Variants in CDC42BPG observed in about 807,000 individuals in gnomAD.
CDC42BPG encodes serine/threonine-protein kinase MRCK gamma.
CDC42BPG carries 157 observed loss-of-function variants against 192.2 expected under a neutral mutation model. That is an observed-to-expected ratio of 0.82 (90% CI 0.72 to 0.93). The LOEUF (loss-of-function observed/expected upper bound fraction) is 0.93, where lower values mean the gene tolerates loss of function less well. Ranked by LOEUF, CDC42BPG falls within the 40% of genes least tolerant of loss-of-function variation. The pLI, the probability that CDC42BPG is intolerant of heterozygous loss-of-function variation, is 0.00. For missense variants in CDC42BPG, 1,992 were observed against 2,122.1 expected (o/e 0.94, Z 1.20); for synonymous variants, 981 against 918.5 (o/e 1.07, Z -1.23).
At chr11:64,826,183 C>T (rs1034722812) in intron 36 of CDC42BPG, among the ~76,000 whole-genome samples, 2 of 152,050 alleles carry the variant, frequency 1.3e-5, no homozygotes, top group South Asian at 4.1e-4. Flanking sequence ...CTCCCAGAAA[C>T]CACATCATTT....
chr11:64,827,580 A>G lies in CDC42BPG; in HGVS notation c.4097T>C (p.Phe1366Ser), dbSNP rs758551161. Residue 1366 changes from phenylalanine to serine, a missense_variant, in exon 32 of 37, where the codon TTC (phenylalanine) becomes TCC (serine). Coordinates refer to ENST00000342711, the MANE Select transcript of CDC42BPG (RefSeq NM_017525.3). ...VRPLNPEGSL[F>S]LYGTEKVRLT... The stretch of plus-strand genomic sequence containing the variant: ...GCGGACCTTCTCGGTGCCGTAGAGG[A>G]ACAGGGAGCCCTCTGGATTGAGGGG... The G allele has an allele frequency of 6.2e-7, 1 of 1,612,338 alleles. No individual in the cohort carries two copies. The highest frequency in any genetic ancestry group is 1.1e-5 in the South Asian group (1 of 90,916).
At chr11:64,841,026 C>G (rs1943258392) in intron 3 of CDC42BPG, among the ~76,000 whole-genome samples, 1 of 152,100 alleles carries the variant, frequency 6.6e-6, no homozygotes, top group Non-Finnish European at 1.5e-5. Context: ...TGGCACACGC[C>G]TGTAATCCCA....
At position 64,837,003 on chromosome 11, in the gene CDC42BPG, T is replaced by A. The variant is rs1943050177; in HGVS notation, c.1222A>T (p.Ser408Cys). ...TCCAGGGCAGCCCAAGCCTCAGAGC[T>A]GCTCTCAGGACTGTGACTGTAGGGG... is the stretch of plus-strand genomic sequence containing the variant. ...YTSGSHSPES[S>C]SEAWAALERK... Residue 408 changes from serine to cysteine, a missense_variant, in exon 10 of 37, where the codon AGC becomes TGC. Ser to Cys is a moderately radical substitution (Grantham distance 112, BLOSUM62 -1). This residue lies in a region of CDC42BPG where 1,656 missense variants were observed against 1,844.3 expected (regional missense o/e 0.90). Coordinates refer to ENST00000342711, the MANE Select transcript of CDC42BPG (RefSeq NM_017525.3). 2 of 1,613,388 alleles carry A rather than the reference T, an allele frequency of 1.2e-6. No individual in the cohort carries two copies. Among genetic ancestry groups the A allele is most frequent in the Non-Finnish European group, 8.5e-7 (1 of 1,179,786 alleles).
At position 64,827,054 on chromosome 11, in the gene CDC42BPG, G is replaced by T. The variant is rs2136243954; in HGVS notation, c.4385C>A (p.Ser1462Tyr). The T allele has an allele frequency of 1.2e-6, 2 of 1,604,434 alleles. No individual in the cohort carries two copies. Among genetic ancestry groups the T allele is most frequent in the Non-Finnish European group, 1.7e-6 (2 of 1,171,584 alleles). Residue 1462 changes from serine to tyrosine, a missense_variant, in exon 34 of 37, where the codon TCC becomes TAC. By Grantham distance (144) the Ser-to-Tyr change is moderately radical (BLOSUM62 -2). Transcript: ENST00000342711. ...ANGRPGARDK[S>Y]PAPEEKGRVA... ...GATTGGCTCCAGAGGACTAACCGGGGACTTGTCCCTGGCGCCGGGCCGCCC... is the reference window on the plus strand; with the variant it reads ...GATTGGCTCCAGAGGACTAACCGGGTACTTGTCCCTGGCGCCGGGCCGCCC...
chr11:64,836,190 C>G lies in CDC42BPG; in HGVS notation c.1595G>C (p.Arg532Thr). The G allele has an allele frequency of 6.3e-7, 1 of 1,597,092 alleles. No individual in the cohort carries two copies. The highest frequency in any genetic ancestry group is 8.5e-7 in the Non-Finnish European group (1 of 1,173,678). Residue 532 changes from arginine to threonine, a missense_variant, in exon 13 of 37, where the codon AGA becomes ACA. Physicochemically the swap from Arg to Thr is moderately conservative, Grantham distance 71 (BLOSUM62 -1). Transcript: ENST00000342711. ...LLQRLQEAQEREAATASQTRA... is the reference protein window; with the variant it reads ...LLQRLQEAQETEAATASQTRA... ...GGTCTGGCTAGCTGTGGCCGCCTCT[C>G]TCTCCTGGGCCTCCTGTAGCCTCTG...
rs961243136 is a variant in CDC42BPG, at chr11:64,827,074, C to A, written c.4365G>T (p.Arg1455=). The change falls in exon 34 of 37, where the codon CGG becomes CGT. Residue 1455 remains arginine, a synonymous_variant. Transcript: ENST00000342711. ...HLVHVGPANG[R]PGARDKSPAP... The stretch of plus-strand genomic sequence containing the variant: ...CCGGGGACTTGTCCCTGGCGCCGGG[C>A]CGCCCGTTGGCAGGGCCCACGTGTA... 6.2e-7 allele frequency: 1 copy of A among 1,612,824 alleles called. No individual in the cohort carries two copies. The highest frequency in any genetic ancestry group is 1.3e-5 in the African/African-American group (1 of 74,874).
chr11:64,831,572 G>A lies in CDC42BPG; in HGVS notation c.3237C>T (p.Tyr1079=). 1 of 1,612,636 alleles carries A rather than the reference G, an allele frequency of 6.2e-7. No individual in the cohort carries two copies. The highest frequency in any genetic ancestry group is 8.5e-7 in the Non-Finnish European group (1 of 1,179,944). Residue 1079 remains tyrosine (Y), a synonymous_variant, in exon 28 of 37, where the codon TAC becomes TAT. Coordinates refer to ENST00000342711, the MANE Select transcript of CDC42BPG (RefSeq NM_017525.3). Reference sequence around the variant, plus strand: ...CGTTGTCGTAAGCCTCCTTGAGTGTGTACACGGGCCGGGGTCTTGGCCGCG... The same window carrying A: ...CGTTGTCGTAAGCCTCCTTGAGTGTATACACGGGCCGGGGTCTTGGCCGCG... ...LDARPRPRPV[Y]TLKEAYDNGL...
At chr11:64,834,806 T>C in intron 18 of CDC42BPG, 43 bp downstream of exon 18, 1 of 1,577,124 alleles carries the variant, frequency 6.3e-7, no homozygotes, top group East Asian at 2.2e-5. Context: ...GGAAGGTCAG[T>C]GACTTGCCCA....
intron 10 of CDC42BPG, 24 bp downstream of exon 10, chr11:64,836,898 G>A: frequency 2.5e-6 from 4 of 1,610,444 alleles, no homozygotes; most frequent in Admixed American, 1.7e-5. Flanking sequence ...GCACACCCAG[G>A]CCCGGCCCAG....
In CDC42BPG at chr11:64,836,727, C is replaced by A. The variant is rs759076176; in HGVS notation, c.1384+12G>T. The stretch of plus-strand genomic sequence containing the variant: ...GCCCTGGGGGGGGGGGGGGGGTGGG[C>A]GGAAGGGATACCTGGCAGCCTGTCC... On this transcript the variant is annotated intron_variant, in intron 11 of 36. Transcript: ENST00000342711. The A allele has an allele frequency of 1.7e-5, 9 of 528,398 alleles. No individual in the cohort carries two copies. Among genetic ancestry groups the A allele is most frequent in the African/African-American group, 7.5e-5 (2 of 26,576 alleles). The allele number at this position is 528,398 out of a possible 1,614,324, so 32.7% of individuals were successfully genotyped here.
At chr11:64,826,997 G>A in intron 34 of CDC42BPG, 53 bp downstream of exon 34, 2 of 1,350,778 alleles carry the variant, frequency 1.5e-6, no homozygotes, top group Non-Finnish European at 2.1e-6. Context: ...ACAGAGGCCG[G>A]TTATTGGCTC....
intron 29 of CDC42BPG, 53 bp from the exon 30 acceptor site, chr11:64,830,123 C>T (rs74447078): frequency 0.011 from 18,160 of 1,611,540 alleles, 142 homozygotes; most frequent in Non-Finnish European, 0.013. Context: ...AAGAGTGACC[C>T]ATCCCCATCC....
rs1592732266 is a variant in CDC42BPG at position 64,844,401 on chromosome 11, G to A, written c.160+9C>T. On this transcript the variant is annotated intron_variant, in intron 1 of 36. Coordinates refer to ENST00000342711, the MANE Select transcript of CDC42BPG (RefSeq NM_017525.3). The stretch of plus-strand genomic sequence containing the variant: ...GCCCGCCCCCGCTCCGTGCCGCCCC[G>A]CCACTCACCCCAGCTCAGGAACTGC... 2 of 1,434,456 alleles carry A rather than the reference G, an allele frequency of 1.4e-6. No individual in the cohort carries two copies. Among genetic ancestry groups the A allele is most frequent in the Admixed American group, 5.5e-5 (2 of 36,598 alleles). The allele number at this position is 1,434,456 out of a possible 1,614,324, so 88.9% of individuals were successfully genotyped here.
In CDC42BPG at chr11:64,836,229, T is replaced by G; in HGVS notation, c.1556A>C (p.Gln519Pro). 1 of 1,600,670 alleles carries G rather than the reference T, an allele frequency of 6.2e-7. No individual in the cohort carries two copies. Among genetic ancestry groups the G allele is most frequent in the Non-Finnish European group, 8.5e-7 (1 of 1,175,752 alleles). Residue 519 changes from glutamine (Q) to proline (P), a missense_variant, in exon 13 of 37, where the codon CAG becomes CCG. By Grantham distance (76) the Gln-to-Pro change is moderately conservative. Transcript: ENST00000342711. ...EQELCRAQGQ[Q>P]EELLQRLQEA... is the part of the protein sequence containing the mutation. ...CTGTAGCCTCTGAAGCAGCTCCTCC[T>G]GCTGCCCCTGGGCCCTGCAGAGCTC...
intron 30 of CDC42BPG, among the ~76,000 whole-genome samples, chr11:64,829,233 G>GT (rs1207808080): frequency 6.6e-6 from 1 of 152,120 alleles, no homozygotes; most frequent in Non-Finnish European, 1.5e-5. Flanking sequence ...GAAAAAAAAA[G>GT]TTTGCTAGAT....
Position 64,840,635 on chromosome 11 carries a change from C to A in CDC42BPG, c.350G>T (p.Arg117Leu), listed in dbSNP as rs775326529. The A allele has an allele frequency of 5.6e-6, 9 of 1,613,824 alleles. No homozygotes were observed. The Admixed American group carries it at 1.5e-4, about 27-fold the overall frequency. ...TTTCACGAGCACATCCCGCTCCTCC[C>A]GGAAACAGGCTGTCTGCAGCAGGTT... ...MLKRAETACF[R>L]EERDVLVKGD... Residue 117 changes from arginine (R) to leucine (L), a missense_variant, in exon 4 of 37, where the codon CGG becomes CTG. Arg to Leu is a moderately radical substitution (Grantham distance 102). This residue lies in a region of CDC42BPG where 1,656 missense variants were observed against 1,844.3 expected (regional missense o/e 0.90). Transcript: ENST00000342711.
Position 64,839,205 on chromosome 11 carries a change from G to A in CDC42BPG, c.704C>T (p.Pro235Leu), listed in dbSNP as rs753941092. Residue 235 changes from proline to leucine, a missense_variant, in exon 7 of 37, where the codon CCG becomes CTG. Physicochemically the swap from Pro to Leu is moderately conservative, Grantham distance 98 (BLOSUM62 -3). This residue lies in a region of CDC42BPG where 1,656 missense variants were observed against 1,844.3 expected (regional missense o/e 0.90). Transcript: ENST00000342711. ...CAGGATCTCAGGGGAGATATAGTCC[G>A]GCGTCCCTACTGCCACTGATGAATC... ...MVDSSVAVGT[P>L]DYISPEILQA... 9.3e-6 allele frequency: 15 copies of A among 1,613,108 alleles called. No homozygotes were observed. The highest frequency in any genetic ancestry group is 1.6e-4 in the Middle Eastern group (1 of 6,084).
chr11:64,826,714 T>A lies in CDC42BPG; in HGVS notation c.4470A>T (p.Pro1490=). Residue 1490 remains proline (P), a synonymous_variant, in exon 35 of 37, where the codon CCA becomes CCT. Transcript: ENST00000342711. ...CGAGGCCTTCGCTGCCCATGGAGGCTGGGCGCCGCAACGCCTCGGAGAAGC... is the reference window on the plus strand; with the variant it reads ...CGAGGCCTTCGCTGCCCATGGAGGCAGGGCGCCGCAACGCCTCGGAGAAGC... ...PHSFSEALRR[P]ASMGSEGLGG... 4.5e-6 allele frequency: 7 copies of A among 1,554,708 alleles called. No homozygotes were observed. The highest frequency in any genetic ancestry group is 6.1e-6 in the Non-Finnish European group (7 of 1,150,870).
rs913443596 is a variant in CDC42BPG, at chr11:64,829,931, T to A, written c.3507A>T (p.Ala1169=). 5 of 1,611,446 alleles carry A rather than the reference T, an allele frequency of 3.1e-6. No individual in the cohort carries two copies. The African/African-American group carries it at 6.7e-5, about 22-fold the overall frequency. Residue 1169 remains alanine, a synonymous_variant, in exon 30 of 37, where the codon GCA becomes GCT. Coordinates refer to ENST00000342711, the MANE Select transcript of CDC42BPG (RefSeq NM_017525.3). ...CTCGAGACTCGGGGATCTTGGCACC[T>A]GCTACCTCTATGTTCTCCAGCTCCG... The part of the protein sequence containing the change: ...ALAELENIEV[A]GAKIPESRGC...
Sources: gnomAD v4.1 joint callset for allele counts (sites outside exome capture counted in the v4.1 genomes callset) on GRCh38, gnomAD v4.1.1 for gene constraint, gnomAD v4.1.1 regional missense constraint, MANE v1.5 for transcripts, NCBI Gene and HGNC (gene_info 2026-07-23, HGNC 2026-07-21) for gene names.